The following CPLANE1 variants were observed in gnomAD, a reference collection of about 807,000 sequenced individuals.
CPLANE1 encodes ciliogenesis and planar polarity effector complex subunit 1.
In CPLANE1, 263 loss-of-function variants were observed where a neutral mutation model predicts 362.5. The ratio of observed to expected loss-of-function variants is 0.73; its 90% CI spans 0.66 to 0.80. The LOEUF (loss-of-function observed/expected upper bound fraction) is 0.80, where lower values mean the gene tolerates loss of function less well. CPLANE1 is among the 30% of genes least tolerant of loss of function. The probability of loss-of-function intolerance (pLI) is 0.00; values close to 1 mark genes in which losing one functional copy is unlikely to be tolerated. For missense variants in CPLANE1, 3,461 were observed against 3,793.4 expected, an observed-to-expected ratio of 0.91 and a Z score of 2.30; for synonymous variants, 1,212 against 1,302.6, an observed-to-expected ratio of 0.93 and a Z score of 1.50.
chr5:37,172,017 G>T (rs192967290), intron 32 of CPLANE1, among the ~76,000 whole-genome samples: 1 of 152,080 alleles, frequency 6.6e-6, no homozygotes, highest in East Asian at 1.9e-4. Context: ...TTGCTATGTT[G>T]TCCAGGCTGG....
chr5:37,109,501 A>C (rs1012482304), intron 51 of CPLANE1, among the ~76,000 whole-genome samples: 1 of 152,078 alleles, frequency 6.6e-6, no homozygotes, highest in Admixed American at 6.5e-5. Context: ...AGCTCTCTAA[A>C]ACCTGTACCT....
At position 37,121,696 on chromosome 5, in the gene CPLANE1, T is replaced by C. The variant is rs1189688089; in HGVS notation, c.9106A>G (p.Thr3036Ala). The change falls in exon 49 of 53, where the codon ACT (threonine) becomes GCT (alanine). Residue 3036 changes from threonine (T) to alanine (A), a missense_variant. Thr to Ala is a moderately conservative substitution (Grantham distance 58). Coordinates refer to ENST00000651892, the MANE Select transcript of CPLANE1 (RefSeq NM_001384732.1). ...TTAGGCAATGGTTTCTGTGGTAGAG[T>C]TGGTAGCTGTACTGACTCAGATAAC... Reference protein sequence around the residue: ...ELLSESVQLPTLPQKPLPNKP... With the variant: ...ELLSESVQLPALPQKPLPNKP... The C allele has an allele frequency of 6.8e-6, 11 of 1,614,006 alleles. No individual in the cohort carries two copies. The highest frequency in any genetic ancestry group is 9.3e-6 in the Non-Finnish European group (11 of 1,179,900).
At position 37,213,669 on chromosome 5, in the gene CPLANE1, C is replaced by A; in HGVS notation, c.2810G>T (p.Arg937Ile). 1 of 1,543,570 alleles carries A rather than the reference C, an allele frequency of 6.5e-7. No individual in the cohort carries two copies. The highest frequency in any genetic ancestry group is 8.8e-7 in the Non-Finnish European group (1 of 1,141,828). The change falls in exon 16 of 53, where the codon AGA becomes ATA. Residue 937 changes from arginine (R) to isoleucine (I), a missense_variant. Coordinates refer to ENST00000651892, the MANE Select transcript of CPLANE1 (RefSeq NM_001384732.1). ...GAAACGAGCCATGGACTGGACGACT[C>A]TCACTGCTGCCTCAGGATGAACACC... ...VGGVHPEAAV[R>I]VVQSMARFMA...
At position 37,180,002 on chromosome 5, in the gene CPLANE1, T is replaced by C. The variant is rs1352836895; in HGVS notation, c.5737+15A>G. 1.3e-6 allele frequency: 2 copies of C among 1,510,382 alleles called. No individual in the cohort carries two copies. Among genetic ancestry groups the C allele is most frequent in the Non-Finnish European group, 1.8e-6 (2 of 1,131,712 alleles). 93.6% of individuals were successfully genotyped at this position (1,510,382 alleles called of 1,614,324 possible). On this transcript the variant is annotated intron_variant, in intron 28 of 52. Transcript: ENST00000651892. ...TTAATAAAGCCAAAAAAATAGATTA[T>C]CTAAATGAACTGACCTTCATAGTCT...
At chr5:37,098,164 C>T in the CPLANE1 span, among the ~76,000 whole-genome samples, 2 of 151,812 alleles carry the variant, frequency 1.3e-5, no homozygotes, top group Non-Finnish European at 2.9e-5. Context: ...GAGGCCGAGG[C>T]GGGTGGATCA....
chr5:37,238,764 G>T, intron 8 of CPLANE1, 93 bp downstream of exon 8: 1 of 590,832 alleles, frequency 1.7e-6, no homozygotes, highest in Non-Finnish European at 2.8e-6. Context: ...TTCCCAAAGT[G>T]CTAGAATTAC....
chr5:37,210,475 A>C, intron 16 of CPLANE1: 1 of 1,151,352 alleles, frequency 8.7e-7, no homozygotes, highest in Non-Finnish European at 1.3e-6. Flanking sequence ...CTGATTGAAG[A>C]TGAAAGGAAG....
At chr5:37,217,794 T>C (rs1279857402) in intron 15 of CPLANE1, among the ~76,000 whole-genome samples, 1 of 151,174 alleles carries the variant, frequency 6.6e-6, no homozygotes, top group Non-Finnish European at 1.5e-5. Context: ...CTGGCCAACA[T>C]GGTGAAACTC....
chr5:37,224,946 C>CT lies in CPLANE1; in HGVS notation c.2292-207dup, dbSNP rs199801993. Among the ~76,000 whole-genome samples the CT allele has an allele frequency of 0.016, 2,093 of 131,270 alleles. 39 individuals are homozygous for CT. The highest frequency in any genetic ancestry group is 0.044 in the African/African-American group (1,605 of 36,142). 86.1% of individuals were successfully genotyped at this position (131,270 alleles called of 152,430 possible). ...CATAAATATTTTAAGCACCTGTAAT[C>CT]TTTTTTTTTTTTTTTTTTTTAAGAC... On this transcript the variant is annotated intron_variant, in intron 12 of 52. Transcript: ENST00000651892.
intron 6 of CPLANE1, among the ~76,000 whole-genome samples, chr5:37,241,618 T>A (rs928641278): frequency 2.0e-5 from 3 of 152,130 alleles, no homozygotes; most frequent in Non-Finnish European, 4.4e-5. Context: ...GACTTGTTTA[T>A]CTTATTTTAT....
At position 37,183,187 on chromosome 5, in the gene CPLANE1, G is replaced by T; in HGVS notation, c.4994C>A (p.Ser1665Ter). Residue 1665 changes from serine to a stop codon, truncating the protein, a stop_gained, in exon 26 of 53, where the codon TCG (serine) becomes TAG (stop). Transcript: ENST00000651892. LOFTEE classifies it high-confidence loss of function. The stretch of plus-strand genomic sequence containing the variant: ...TCCTTCATTCTTATTGACTTCATTC[G>T]AAGGATATTGTAAAAAAGGTTTGAT... Reference protein sequence around the residue: ...QGIKPFLQYPSNEVNKNEGMS... With the variant: ...QGIKPFLQYP 1 of 1,611,000 alleles carries T rather than the reference G, an allele frequency of 6.2e-7. No individual in the cohort carries two copies. The highest frequency in any genetic ancestry group is 8.5e-7 in the Non-Finnish European group (1 of 1,178,866).
chr5:37,163,772 G>C (rs1366836299), intron 37 of CPLANE1, among the ~76,000 whole-genome samples: 1 of 152,120 alleles, frequency 6.6e-6, no homozygotes, highest in Non-Finnish European at 1.5e-5. Context: ...CTAGTCACCA[G>C]AGGAACCAAC....
Position 37,209,339 on chromosome 5 carries a change from G to T in CPLANE1, c.2921-2914C>A, listed in dbSNP as rs181838238. 4.3e-3 allele frequency: 3,937 copies of T among 906,566 alleles called. 27 individuals are homozygous for T. The highest frequency in any genetic ancestry group is 5.8e-3 in the Non-Finnish European group (3,134 of 539,892). 56.2% of individuals were successfully genotyped at this position (906,566 alleles called of 1,614,324 possible). A position where few individuals can be genotyped will look rare whatever the true frequency, so the allele number is the denominator to read the frequency against. Reference sequence around the variant, plus strand: ...CGGGCCACGGCGGGGCGAGCGAGGCGGGCTCCGGAGGAAGCTGACGGCTGA... The same window carrying T: ...CGGGCCACGGCGGGGCGAGCGAGGCTGGCTCCGGAGGAAGCTGACGGCTGA... On this transcript the variant is annotated intron_variant, in intron 16 of 52. Coordinates refer to ENST00000651892, the MANE Select transcript of CPLANE1 (RefSeq NM_001384732.1). The surrounding 1 kb of genome is among the most constrained non-coding windows in gnomAD (Gnocchi z 4.6).
At chr5:37,097,115 G>C in the CPLANE1 span, among the ~76,000 whole-genome samples, 1 of 152,130 alleles carries the variant, frequency 6.6e-6, no homozygotes, top group Non-Finnish European at 1.5e-5. Flanking sequence ...TTAAGAGGCA[G>C]AGATGGAAGA....
At chr5:37,212,743 C>G (rs913989297) in intron 16 of CPLANE1, among the ~76,000 whole-genome samples, 11 of 151,980 alleles carry the variant, frequency 7.2e-5, no homozygotes. Context: ...AGTAAATGGT[C>G]CAAATAAAAT....
At chr5:37,247,880 C>T in intron 1 of CPLANE1, 135 bp from the exon 2 acceptor site, 1 of 508,184 alleles carries the variant, frequency 2.0e-6, no homozygotes, top group Non-Finnish European at 3.2e-6. Context: ...TCACTGCAAC[C>T]TCCGCCTCCC....
chr5:37,224,912 T>A (rs1417638388), intron 12 of CPLANE1, among the ~76,000 whole-genome samples, 172 bp from the exon 13 acceptor site: 5 of 151,374 alleles, frequency 3.3e-5, no homozygotes, highest in Non-Finnish European at 7.4e-5. Context: ...ATGCCTTATA[T>A]AAAATCTTCA....
the CPLANE1 span, chr5:37,085,994 G>A: frequency 3.4e-6 from 2 of 589,092 alleles, no homozygotes; most frequent in African/African-American, 1.9e-5. Flanking sequence ...TGTCCAACAG[G>A]AAAATATCAC....
rs1391007663 is a variant in CPLANE1 at position 37,179,442 on chromosome 5, T to G, written c.5739A>C (p.Glu1913Asp). Residue 1913 changes from glutamate to aspartate, a missense_variant and splice_region_variant, in exon 29 of 53, where the codon GAA (glutamate) becomes GAC (aspartate). By Grantham distance (45) the Glu-to-Asp change is conservative. Around this residue, in one of 2 missense-constraint regions of CPLANE1, gnomAD observed 3,380 missense variants for 3,666.1 expected, o/e 0.92. Transcript: ENST00000651892. ...EMDMHISDYEEDIEESVGGFR... is the reference protein window; with the variant it reads ...EMDMHISDYEDDIEESVGGFR... ...AACCTCCAACAGATTCTTCAATGTC[T>G]TCTAGCGATAAGTGAAGATGAAGAG... The G allele has an allele frequency of 1.2e-6, 2 of 1,606,536 alleles. No individual in the cohort carries two copies. Among genetic ancestry groups the G allele is most frequent in the African/African-American group, 2.7e-5 (2 of 74,730 alleles).
Sources: allele counts gnomAD v4.1 joint callset (sites outside exome capture counted in the v4.1 genomes callset), GRCh38; gene constraint gnomAD v4.1.1; regional missense constraint gnomAD v4.1.1; non-coding constraint Gnocchi (gnomAD v3.1); transcripts MANE v1.5; gene names NCBI Gene and HGNC (gene_info 2026-07-23, HGNC 2026-07-21).